WASF3: variants seen among roughly 807,000 people sequenced by gnomAD.
WASF3 encodes WASP family member 3, also known as actin-binding protein WASF3.
Under a neutral mutation model 46.6 loss-of-function variants are expected in WASF3, and 11 were observed. That is an observed-to-expected ratio of 0.24 (90% CI 0.15 to 0.39). WASF3 has a LOEUF of 0.39. Ranked by LOEUF, WASF3 falls within the 10% of genes least tolerant of loss-of-function variation. The pLI, the probability that WASF3 is intolerant of heterozygous loss-of-function variation, is 1.00. For missense variants in WASF3, 576 were observed against 669.8 expected (o/e 0.86, Z 1.55); for synonymous variants, 242 against 259.7 (o/e 0.93, Z 0.65).
At chr13:26,606,355 TG>T (rs1880798455) in intron 1 of WASF3, among the ~76,000 whole-genome samples, 1 of 150,446 alleles carries the variant, frequency 6.6e-6, no homozygotes, top group African/African-American at 2.5e-5. Context: ...TGTGTGTGTG[TG>T]TGTGTGTGTC....
At chr13:26,621,833 A>T (rs1881315942) in intron 2 of WASF3, among the ~76,000 whole-genome samples, 1 of 152,104 alleles carries the variant, frequency 6.6e-6, no homozygotes, top group African/African-American at 2.4e-5. Flanking sequence ...GTTAGTGAGT[A>T]TCTTTTGGGA....
chr13:26,566,254 T>C (rs1160820703), intron 1 of WASF3, among the ~76,000 whole-genome samples: 1 of 152,230 alleles, frequency 6.6e-6, no homozygotes, highest in Non-Finnish European at 1.5e-5. Flanking sequence ...GAATATGTAC[T>C]TTATTCAGAT....
At chr13:26,559,834 T>TG (rs1491238564) in intron 1 of WASF3, among the ~76,000 whole-genome samples, 1 of 130,692 alleles carries the variant, frequency 7.7e-6, no homozygotes, top group Non-Finnish European at 1.6e-5. Flanking sequence ...TTTTTTTTTT[T>TG]GAGACGGAGT....
intron 2 of WASF3, among the ~76,000 whole-genome samples, chr13:26,620,025 G>GT (rs1881259014): frequency 6.6e-6 from 1 of 152,180 alleles, no homozygotes; most frequent in African/African-American, 2.4e-5. Context: ...GGTGGGCAGA[G>GT]CACCAGTGGA....
chr13:26,634,955 A>G (rs1427273126), intron 2 of WASF3, among the ~76,000 whole-genome samples: 1 of 152,090 alleles, frequency 6.6e-6, no homozygotes, highest in African/African-American at 2.4e-5. Flanking sequence ...GAATCTGACA[A>G]TTATGTGTCT....
At chr13:26,600,999 C>A (rs1880625865) in intron 1 of WASF3, among the ~76,000 whole-genome samples, 3 of 152,054 alleles carry the variant, frequency 2.0e-5, no homozygotes, top group Non-Finnish European at 4.4e-5. Context: ...GTAGATAGAG[C>A]CATGCTGTGT....
chr13:26,623,325 G>A (rs1488719049), intron 2 of WASF3, among the ~76,000 whole-genome samples: 3 of 152,124 alleles, frequency 2.0e-5, no homozygotes, highest in Non-Finnish European at 2.9e-5. Context: ...CTGGGAGACA[G>A]GCATGATGTA....
At chr13:26,603,187 G>T (rs1308618683) in intron 1 of WASF3, among the ~76,000 whole-genome samples, 1 of 152,166 alleles carries the variant, frequency 6.6e-6, no homozygotes, top group Non-Finnish European at 1.5e-5. Context: ...TCTTCTTCTG[G>T]CCAGTTGTAG....
intron 1 of WASF3, among the ~76,000 whole-genome samples, chr13:26,570,732 A>G (rs989352645): frequency 2.0e-5 from 3 of 152,194 alleles, no homozygotes; most frequent in African/African-American, 4.8e-5. Flanking sequence ...AATATTTTGC[A>G]ATTACAGTAC....
chr13:26,638,228 T>C (rs1485091954), intron 2 of WASF3: 1 of 152,226 alleles, frequency 6.6e-6, no homozygotes, highest in Admixed American at 6.5e-5. Flanking sequence ...GAGTTATCCA[T>C]TTCCATAGTT....
chr13:26,634,194 A>G (rs540513977), intron 2 of WASF3, among the ~76,000 whole-genome samples: 1 of 152,344 alleles, frequency 6.6e-6, no homozygotes, highest in East Asian at 1.9e-4. Flanking sequence ...ATATATATTT[A>G]GAATAGTTAG....
Position 26,641,386 on chromosome 13 carries a change from TAGC to T in WASF3, c.-10-871_-10-869del, listed in dbSNP as rs752643516. On this transcript the variant is annotated intron_variant, in intron 2 of 9. Transcript: ENST00000335327. ...GGGACATTGACCTGCTGCCCCCAGT[TAGC>T]AGCCTAGGTGTACCAAAATGCCAGA... is the stretch of plus-strand genomic sequence containing the variant. 8 of 152,258 alleles carry T rather than the reference TAGC, an allele frequency of 5.3e-5. No homozygotes were observed. In the East Asian group the frequency reaches 1.4e-3, roughly 26 times the overall value. The allele number at this position is 152,258 out of a possible 1,614,324, so 9.4% of individuals were successfully genotyped here.
intron 1 of WASF3, among the ~76,000 whole-genome samples, chr13:26,586,390 A>G (rs1033307396): frequency 1.6e-4 from 24 of 152,276 alleles, no homozygotes; most frequent in Admixed American, 2.0e-4. Context: ...GCATTTAACC[A>G]ATAACTCTTA....
chr13:26,620,280 A>G (rs1566053345), intron 2 of WASF3, among the ~76,000 whole-genome samples: 2 of 152,196 alleles, frequency 1.3e-5, no homozygotes, highest in Non-Finnish European at 2.9e-5. Context: ...TTTTATGCAC[A>G]ATAAAGGACT....
intron 1 of WASF3, among the ~76,000 whole-genome samples, chr13:26,580,784 C>T (rs779049435): frequency 1.3e-5 from 2 of 151,822 alleles, no homozygotes; most frequent in Non-Finnish European, 2.9e-5. Flanking sequence ...TGCCACCACA[C>T]CCGGCTAATT....
intron 2 of WASF3, among the ~76,000 whole-genome samples, chr13:26,628,512 C>A (rs970457569): frequency 6.6e-6 from 1 of 152,130 alleles, no homozygotes; most frequent in African/African-American, 2.4e-5. Flanking sequence ...GAGGAGATGC[C>A]AAGGTAGGAT....
In WASF3 at chr13:26,582,048, A is replaced by G. The variant is rs562051037; in HGVS notation, c.-109+24229A>G. On this transcript the variant is annotated intron_variant, in intron 1 of 9. Coordinates refer to ENST00000335327, the MANE Select transcript of WASF3 (RefSeq NM_006646.6). ...TATGGTTCACTGTAAGCCAGTGTAT[A>G]GGATTTAAAAGGATGAGTCTTTGCA... 1.2e-4 allele frequency among the ~76,000 whole-genome samples: 18 copies of G among 152,376 alleles called. No homozygotes were observed. The South Asian group carries it at 3.7e-3, about 32-fold the overall frequency.
chr13:26,567,206 A>G (rs567961336), intron 1 of WASF3, among the ~76,000 whole-genome samples: 1 of 152,328 alleles, frequency 6.6e-6, no homozygotes, highest in Non-Finnish European at 1.5e-5. Context: ...ATATCCCTCA[A>G]ACAGTCATTC....
At chr13:26,562,548 G>A (rs1002565692) in intron 1 of WASF3, among the ~76,000 whole-genome samples, 5 of 152,032 alleles carry the variant, frequency 3.3e-5, no homozygotes, top group African/African-American at 7.2e-5. Flanking sequence ...TTTGGTTTTT[G>A]TTTTTTAAAT....
Sources: gnomAD v4.1 joint callset for allele counts (sites outside exome capture counted in the v4.1 genomes callset) on GRCh38, gnomAD v4.1.1 for gene constraint, MANE v1.5 for transcripts, NCBI Gene and HGNC (gene_info 2026-07-23, HGNC 2026-07-21) for gene names.